The following IGFBP3 variants were observed in gnomAD, a reference collection of about 807,000 sequenced individuals.
IGFBP3 encodes insulin like growth factor binding protein 3.
IGFBP3 carries 9 observed loss-of-function variants against 28.6 expected under a neutral mutation model. That is an observed-to-expected ratio of 0.31 (90% CI 0.19 to 0.55). IGFBP3 has a LOEUF of 0.55. Among genes scored for constraint, IGFBP3 ranks in the 20% least tolerant of loss-of-function variants. The pLI, the probability that IGFBP3 is intolerant of heterozygous loss-of-function variation, is 0.93. For missense variants in IGFBP3, 382 were observed against 428.9 expected (o/e 0.89, Z 0.97); for synonymous variants, 185 against 188.2 (o/e 0.98, Z 0.14).
intron 3 of IGFBP3, among the ~76,000 whole-genome samples, chr7:45,916,169 T>C (rs1250051048): frequency 6.6e-6 from 1 of 152,218 alleles, no homozygotes; most frequent in East Asian, 1.9e-4. Context: ...TCTTGGAAAC[T>C]GACTATAATA....
chr7:45,920,661 G>A, intron 1 of IGFBP3, 77 bp downstream of exon 1: 1 of 1,235,264 alleles, frequency 8.1e-7, no homozygotes, highest in Non-Finnish European at 1.0e-6. Flanking sequence ...TCCCGCAGCG[G>A]CACCCAGCAA....
rs756951692 is a variant in IGFBP3, at chr7:45,914,920, C to T, written c.776G>A (p.Arg259Gln). 182 of 1,614,010 alleles carry T rather than the reference C, an allele frequency of 1.1e-4. No homozygotes were observed. The highest frequency in any genetic ancestry group is 1.4e-4 in the Non-Finnish European group (168 of 1,180,024). The change falls in exon 4 of 5, where the codon CGG becomes CAG. Residue 259 changes from arginine to glutamine, a missense_variant. Arg to Gln is a conservative substitution (Grantham distance 43, BLOSUM62 1). Coordinates refer to ENST00000613132, the MANE Select transcript of IGFBP3 (RefSeq NM_000598.5). ...CTTATCCACACACCAGCAGAAGCCC[C>T]GCTTCCTGCCTTTGGAAGGGCGACA... is the stretch of plus-strand genomic sequence containing the variant. ...KQCRPSKGRK[R>Q]GFCWCVDKYG...
intron 1 of IGFBP3, chr7:45,919,926 C>CT (rs1000241348): frequency 1.3e-5 from 2 of 151,104 alleles, no homozygotes; most frequent in Admixed American, 1.3e-4. Context: ...ATTCCCCCCC[C>CT]CATTTCAGAT....
In IGFBP3 at chr7:45,921,224, C is replaced by A; in HGVS notation, c.-84G>T. The A allele has an allele frequency of 6.9e-7, 1 of 1,442,554 alleles. No individual in the cohort carries two copies. Among genetic ancestry groups the A allele is most frequent in the Non-Finnish European group, 9.3e-7 (1 of 1,072,868 alleles). 89.4% of individuals were successfully genotyped at this position (1,442,554 alleles called of 1,614,324 possible). On this transcript the variant is annotated 5_prime_UTR_variant, in exon 1 of 5. Transcript: ENST00000613132. Reference sequence around the variant, plus strand: ...GTACACGGCGCGAAGCTGTGGAATCCAGGCAGGAAGCGGCTGATCCTCAGC... The same window carrying A: ...GTACACGGCGCGAAGCTGTGGAATCAAGGCAGGAAGCGGCTGATCCTCAGC...
At position 45,917,337 on chromosome 7, in the gene IGFBP3, T is replaced by A; in HGVS notation, c.506A>T (p.His169Leu). ...TTTCTTGATGATGATTATCTTTGAATGGAGGGGGTGGAACTTGGGATCAGA... is the reference window on the plus strand; with the variant it reads ...TTTCTTGATGATGATTATCTTTGAAAGGAGGGGGTGGAACTTGGGATCAGA... ...RVSDPKFHPL[H>L]SKIIIIKKGH... The change falls in exon 2 of 5, where the codon CAT (histidine) becomes CTT (leucine). Residue 169 changes from histidine to leucine, a missense_variant. Physicochemically the swap from His to Leu is moderately conservative, Grantham distance 99. Coordinates refer to ENST00000613132, the MANE Select transcript of IGFBP3 (RefSeq NM_000598.5). 1 of 1,614,076 alleles carries A rather than the reference T, an allele frequency of 6.2e-7. No individual in the cohort carries two copies. Among genetic ancestry groups the A allele is most frequent in the Non-Finnish European group, 8.5e-7 (1 of 1,180,014 alleles).
Position 45,917,291 on chromosome 7 carries a change from C to A in IGFBP3, c.552G>T (p.Gln184His), listed in dbSNP as rs781597256. Reference sequence around the variant, plus strand: ...GAGACTCGTAGTCAACTTTGTAGCGCTGGCTGTCTTTAGCATGCCCTTTCT... The same window carrying A: ...GAGACTCGTAGTCAACTTTGTAGCGATGGCTGTCTTTAGCATGCCCTTTCT... Reference protein sequence around the residue: ...IIKKGHAKDSQRYKVDYESQS... With the variant: ...IIKKGHAKDSHRYKVDYESQS... The change falls in exon 2 of 5, where the codon CAG (glutamine) becomes CAT (histidine). Residue 184 changes from glutamine to histidine, a missense_variant. Gln to His is a conservative substitution (Grantham distance 24, BLOSUM62 0). Coordinates refer to ENST00000613132, the MANE Select transcript of IGFBP3 (RefSeq NM_000598.5). 5.6e-6 allele frequency: 9 copies of A among 1,614,100 alleles called. No homozygotes were observed. The South Asian group carries it at 9.9e-5, about 18-fold the overall frequency.
rs564723626 is a variant in IGFBP3 at position 45,915,939 on chromosome 7, G to T, written c.750+609C>A. 4.7e-4 allele frequency among the ~76,000 whole-genome samples: 72 copies of T among 152,284 alleles called. 2 individuals are homozygous for T. The highest frequency in any genetic ancestry group is 3.4e-3 in the Middle Eastern group (1 of 294). ...ACCTGGTATGTGCTGGGGATGGCTG[G>T]GCTCTCCAAGCTGGCCATGCTGCAG... On this transcript the variant is annotated intron_variant, in intron 3 of 4. Transcript: ENST00000613132.
chr7:45,918,229 A>T (rs2116580478), intron 1 of IGFBP3, among the ~76,000 whole-genome samples: 2 of 152,014 alleles, frequency 1.3e-5, no homozygotes, highest in Middle Eastern at 6.8e-3. Flanking sequence ...AGACAATGCC[A>T]AAGTCCCACT....
At position 45,912,909 on chromosome 7, in the gene IGFBP3, A is replaced by C. The variant is rs1236502795; in HGVS notation, c.*941T>G. ...TTACTATTCTTTTTTACATTGTGCT[A>C]AGGAGGACAAAAGATGAGAGATGAA... On this transcript the variant is annotated 3_prime_UTR_variant, in exon 5 of 5. Coordinates refer to ENST00000613132, the MANE Select transcript of IGFBP3 (RefSeq NM_000598.5). 3.3e-5 allele frequency: 5 copies of C among 152,310 alleles called. No homozygotes were observed. The highest frequency in any genetic ancestry group is 5.9e-5 in the Non-Finnish European group (4 of 68,046). The allele number at this position is 152,310 out of a possible 1,614,324, so 9.4% of individuals were successfully genotyped here.
chr7:45,917,886 A>G (rs1784635619), intron 1 of IGFBP3, among the ~76,000 whole-genome samples: 1 of 152,196 alleles, frequency 6.6e-6, no homozygotes, highest in Non-Finnish European at 1.5e-5. Context: ...AGAAATGCAC[A>G]TTCTCCACTC....
intron 1 of IGFBP3, among the ~76,000 whole-genome samples, chr7:45,917,831 G>T (rs928593465): frequency 2.0e-5 from 3 of 152,206 alleles, no homozygotes; most frequent in Non-Finnish European, 4.4e-5. Flanking sequence ...AACTCCAAGT[G>T]TGGTCCTCCC....
At chr7:45,915,047 C>T in intron 3 of IGFBP3, 102 bp from the exon 4 acceptor site, 2 of 1,381,094 alleles carry the variant, frequency 1.4e-6, no homozygotes, top group Non-Finnish European at 1.0e-6. Context: ...CTCTGCTATG[C>T]TGAGAAAGCA....
chr7:45,916,748 A>T (rs1275411895), intron 2 of IGFBP3, 81 bp from the exon 3 acceptor site: 1 of 1,482,062 alleles, frequency 6.7e-7, no homozygotes, highest in Non-Finnish European at 9.3e-7. Context: ...ACGATGCTGC[A>T]CAACTACCAA....
intron 1 of IGFBP3, among the ~76,000 whole-genome samples, chr7:45,919,347 C>A (rs1318300084): frequency 6.6e-6 from 1 of 152,044 alleles, no homozygotes; most frequent in Non-Finnish European, 1.5e-5. Context: ...TTTTGAATAC[C>A]CCAAAATGCA....
intron 4 of IGFBP3, 63 bp downstream of exon 4, chr7:45,914,742 C>T (rs1784585721): frequency 6.5e-7 from 1 of 1,538,708 alleles, no homozygotes; most frequent in South Asian, 1.2e-5. Context: ...ACGCCCAGCC[C>T]CTGAGGCTGG....
intron 4 of IGFBP3, chr7:45,914,036 C>T (rs1017802199): frequency 6.6e-6 from 1 of 152,000 alleles, no homozygotes; most frequent in Non-Finnish European, 1.5e-5. Context: ...AAAGAGTTAC[C>T]CTTAAATTAG....
rs757355650 is a variant in IGFBP3 at position 45,916,603 on chromosome 7, G to A, written c.695C>T (p.Pro232Leu). 11 of 1,613,346 alleles carry A rather than the reference G, an allele frequency of 6.8e-6. No individual in the cohort carries two copies. The South Asian group carries it at 1.1e-4, about 16-fold the overall frequency. ...ACAGTTGGGAATGTGTACACCCCTG[G>A]GACTCAGCACATTGAGGAACTTCAG... ...NHLKFLNVLS[P>L]RGVHIPNCDK... Residue 232 changes from proline (P) to leucine (L), a missense_variant, in exon 3 of 5, where the codon CCC becomes CTC. Pro to Leu is a moderately conservative substitution (Grantham distance 98). Coordinates refer to ENST00000613132, the MANE Select transcript of IGFBP3 (RefSeq NM_000598.5).
At position 45,917,290 on chromosome 7, in the gene IGFBP3, G is replaced by A. The variant is rs755356224; in HGVS notation, c.553C>T (p.Arg185Cys). The A allele has an allele frequency of 4.3e-6, 7 of 1,614,034 alleles. No homozygotes were observed. The East Asian group carries it at 8.9e-5, about 21-fold the overall frequency. Residue 185 changes from arginine (R) to cysteine (C), a missense_variant, in exon 2 of 5, where the codon CGC (arginine) becomes TGC (cysteine). By Grantham distance (180) the Arg-to-Cys change is radical (BLOSUM62 -3). Transcript: ENST00000613132. ...IKKGHAKDSQ[R>C]YKVDYESQST... ...TGAGACTCGTAGTCAACTTTGTAGC[G>A]CTGGCTGTCTTTAGCATGCCCTTTC...
chr7:45,921,036 AC>A lies in IGFBP3; in HGVS notation c.104del (p.Gly35ValfsTer37). The A allele has an allele frequency of 7.0e-7, 1 of 1,436,790 alleles. No individual in the cohort carries two copies. Among genetic ancestry groups the A allele is most frequent in the South Asian group, 1.4e-5 (1 of 72,034 alleles). The allele number at this position is 1,436,790 out of a possible 1,614,324, so 89.0% of individuals were successfully genotyped here. ...ARAGASSAGL[G>X]PVVRCEPCDA... ...CGCACGGCTCGCAGCGCACCACGGGACCCAAGCCCGCCGAGCTCGCGCCAGC... is the reference window on the plus strand; with the variant it reads ...CGCACGGCTCGCAGCGCACCACGGGACCAAGCCCGCCGAGCTCGCGCCAGC... On this transcript the variant is annotated frameshift_variant, in exon 1 of 5. Coordinates refer to ENST00000613132, the MANE Select transcript of IGFBP3 (RefSeq NM_000598.5). LOFTEE classifies it high-confidence loss of function.
Sources: gnomAD v4.1 joint callset for allele counts (sites outside exome capture counted in the v4.1 genomes callset) on GRCh38, gnomAD v4.1.1 for gene constraint, MANE v1.5 for transcripts, NCBI Gene and HGNC (gene_info 2026-07-23, HGNC 2026-07-21) for gene names.